The following ZNF490 variants were observed in gnomAD, a reference collection of about 807,000 sequenced individuals.
ZNF490 encodes the protein zinc finger protein 490.
Under a neutral mutation model 17.7 loss-of-function variants are expected in ZNF490, and 11 were observed. That is an observed-to-expected ratio of 0.62 (90% CI 0.39 to 1.03). The LOEUF (loss-of-function observed/expected upper bound fraction) is 1.03, where lower values mean the gene tolerates loss of function less well. Among genes scored for constraint, ZNF490 ranks in the 50% least tolerant of loss-of-function variants. The pLI is 0.00. For synonymous variants in ZNF490, 222 were observed against 216.1 expected (o/e 1.03, Z -0.24); for missense variants, 542 against 643.4 (o/e 0.84, Z 1.71).
intron 2 of ZNF490, chr19:12,597,276 G>T: frequency 2.3e-6 from 1 of 444,326 alleles, no homozygotes; most frequent in South Asian, 1.6e-5. Context: ...CTAGCGAACC[G>T]CTAGAATAAG....
At chr19:12,593,259 T>C (rs10415529) in intron 2 of ZNF490, among the ~76,000 whole-genome samples, 18 of 151,378 alleles carry the variant, frequency 1.2e-4, no homozygotes, top group East Asian at 3.9e-4. Flanking sequence ...TTTTTTTTTT[T>C]CCCTTTGAGA....
At chr19:12,597,055 G>C (rs1441062928) in intron 2 of ZNF490, 1 of 453,636 alleles carries the variant, frequency 2.2e-6, no homozygotes, top group Admixed American at 2.4e-5. Context: ...GGAGACCCTC[G>C]GGTCAGCTGC....
chr19:12,594,543 T>C (rs775283966), intron 2 of ZNF490, among the ~76,000 whole-genome samples: 1 of 151,986 alleles, frequency 6.6e-6, no homozygotes, highest in Non-Finnish European at 1.5e-5. Flanking sequence ...GCCTGCCATA[T>C]GGCAACTTAA....
rs187526226 is a variant in ZNF490, at chr19:12,585,978, A to C, written c.163-2422T>G. On this transcript the variant is annotated intron_variant, in intron 2 of 4. Transcript: ENST00000311437. The stretch of plus-strand genomic sequence containing the variant: ...AATGCTAGGATTACAGGAATGAGTC[A>C]CCACTCCTGGCCTGGGTTTTTGTTT... 2.2e-5 allele frequency among the ~76,000 whole-genome samples: 2 copies of C among 90,898 alleles called. 1 individual carries two copies. The highest frequency in any genetic ancestry group is 5.9e-5 in the Non-Finnish European group (2 of 34,068). The allele number at this position is 90,898 out of a possible 152,430, so 59.6% of individuals were successfully genotyped here.
At chr19:12,598,525 C>A (rs1308164763) in intron 2 of ZNF490, among the ~76,000 whole-genome samples, 3 of 151,204 alleles carry the variant, frequency 2.0e-5, no homozygotes, top group Non-Finnish European at 2.9e-5. Flanking sequence ...CAGGCATGAG[C>A]CACCACGCCC....
intron 2 of ZNF490, among the ~76,000 whole-genome samples, chr19:12,587,283 A>G (rs2022815406): frequency 1.1e-5 from 1 of 87,912 alleles, no homozygotes; most frequent in African/African-American, 3.4e-5. Flanking sequence ...ACAGGTGTGC[A>G]CTACCATCCC....
At chr19:12,582,726 A>G in intron 4 of ZNF490, 124 bp downstream of exon 4, 1 of 910,932 alleles carries the variant, frequency 1.1e-6, no homozygotes, top group South Asian at 1.4e-5. Flanking sequence ...CACCTTCAGT[A>G]AAAATTTTCT....
At chr19:12,608,054 C>T (rs1436501706) in intron 2 of ZNF490, among the ~76,000 whole-genome samples, 1 of 152,178 alleles carries the variant, frequency 6.6e-6, no homozygotes, top group Non-Finnish European at 1.5e-5. Context: ...TATGTATCCA[C>T]ATGCATGAAG....
At chr19:12,589,889 T>C (rs965106049) in intron 2 of ZNF490, among the ~76,000 whole-genome samples, 1 of 103,494 alleles carries the variant, frequency 9.7e-6, no homozygotes, top group Non-Finnish European at 2.4e-5. Context: ...TATGTATGTA[T>C]GTATGTATGT....
chr19:12,583,880 G>A (rs1242975055), intron 2 of ZNF490, among the ~76,000 whole-genome samples: 4 of 141,626 alleles, frequency 2.8e-5, no homozygotes, highest in South Asian at 2.2e-4. Flanking sequence ...GCACAATGTC[G>A]GCTCACTGAA....
intron 2 of ZNF490, among the ~76,000 whole-genome samples, chr19:12,589,569 T>A (rs976404815): frequency 2.1e-4 from 6 of 28,938 alleles, no homozygotes; most frequent in Non-Finnish European, 6.6e-4. Context: ...CTTCTTCTTC[T>A]TTTTTTTTTT....
chr19:12,580,718 G>A lies in ZNF490; in HGVS notation c.1357C>T (p.Arg453Trp), dbSNP rs534425378. The change falls in exon 5 of 5, where the codon CGG becomes TGG. Residue 453 changes from arginine (R) to tryptophan (W), a missense_variant. Coordinates refer to ENST00000311437, the MANE Select transcript of ZNF490 (RefSeq NM_020714.3). ...AGGTGACTGAAGTAAATGAAGACCC[G>A]ACCACACTGTTTGCATTCATAGGGT... is the stretch of plus-strand genomic sequence containing the variant. ...EKPYECKQCGRVFIYFSHLRR... is the reference protein window; with the variant it reads ...EKPYECKQCGWVFIYFSHLRR... 5.0e-6 allele frequency: 8 copies of A among 1,614,056 alleles called. No homozygotes were observed. The highest frequency in any genetic ancestry group is 1.7e-5 in the Admixed American group (1 of 59,996).
chr19:12,592,231 G>A (rs1156264454), intron 2 of ZNF490, among the ~76,000 whole-genome samples: 3 of 152,034 alleles, frequency 2.0e-5, no homozygotes. Flanking sequence ...AGCTACTCGG[G>A]AGGCTGAGGC....
At chr19:12,601,655 AT>A (rs1391262361) in intron 2 of ZNF490, among the ~76,000 whole-genome samples, 1 of 151,992 alleles carries the variant, frequency 6.6e-6, no homozygotes, top group African/African-American at 2.4e-5. Context: ...CAATTTTATT[AT>A]TTTTTGTATG....
At position 12,578,631 on chromosome 19, in the gene ZNF490, G is replaced by GT. The variant is rs1256132230; in HGVS notation, c.*1853dup. ...GGCAGATCCCACTTGGGGAAAAACT[G>GT]TAAGATGCGAACCTTTGTCTTAGAA... On this transcript the variant is annotated 3_prime_UTR_variant, in exon 5 of 5. Transcript: ENST00000311437. 2.6e-5 allele frequency: 26 copies of GT among 985,352 alleles called. No individual in the cohort carries two copies. The highest frequency in any genetic ancestry group is 3.0e-5 in the Non-Finnish European group (25 of 829,972). The allele number at this position is 985,352 out of a possible 1,614,324, so 61.0% of individuals were successfully genotyped here. A position where few individuals can be genotyped will look rare whatever the true frequency, so the allele number is the denominator to read the frequency against.
At chr19:12,604,706 C>T (rs1308718287) in intron 2 of ZNF490, among the ~76,000 whole-genome samples, 5 of 149,928 alleles carry the variant, frequency 3.3e-5, no homozygotes, top group African/African-American at 1.2e-4. Flanking sequence ...CGCCTGTAAT[C>T]CCAGCTACTT....
At position 12,580,974 on chromosome 19, in the gene ZNF490, A is replaced by G; in HGVS notation, c.1101T>C (p.Cys367=). 1 of 1,614,186 alleles carries G rather than the reference A, an allele frequency of 6.2e-7. No individual in the cohort carries two copies. The highest frequency in any genetic ancestry group is 8.5e-7 in the Non-Finnish European group (1 of 1,180,032). Residue 367 remains cysteine (C), a synonymous_variant, in exon 5 of 5, where the codon TGT becomes TGC. Coordinates refer to ENST00000311437, the MANE Select transcript of ZNF490 (RefSeq NM_020714.3). ...TGVQPYTCKK[C]GEAFKSSSSC... is the part of the protein sequence containing the mutation. ...AACTAGATGACTTGAAGGCTTCCCC[A>G]CATTTCTTACATGTATAAGGTTGAA...
intron 2 of ZNF490, among the ~76,000 whole-genome samples, chr19:12,604,746 C>T (rs1240145460): frequency 6.6e-6 from 1 of 151,558 alleles, no homozygotes; most frequent in African/African-American, 2.4e-5. Flanking sequence ...ATTGCTTGAA[C>T]CTGGGAGGCA....
At chr19:12,608,904 C>A (rs1221114101) in intron 2 of ZNF490, among the ~76,000 whole-genome samples, 2 of 152,094 alleles carry the variant, frequency 1.3e-5, no homozygotes, top group Non-Finnish European at 1.5e-5. Context: ...GCCACTGCAC[C>A]CAGCCCAAAT....
Sources: gnomAD v4.1 joint callset for allele counts (sites outside exome capture counted in the v4.1 genomes callset) on GRCh38, gnomAD v4.1.1 for gene constraint, MANE v1.5 for transcripts, NCBI Gene and HGNC (gene_info 2026-07-23, HGNC 2026-07-21) for gene names.